The following ATP8A2 variants were observed in gnomAD, a reference collection of about 807,000 sequenced individuals.
ATP8A2 encodes ATPase phospholipid transporting 8A2.
ATP8A2 carries 100 observed loss-of-function variants against 165.6 expected under a neutral mutation model. That is an observed-to-expected ratio of 0.60 (90% CI 0.51 to 0.71). The LOEUF (loss-of-function observed/expected upper bound fraction) is 0.71. ATP8A2 is among the 30% of genes least tolerant of loss of function. The pLI is 0.00. For missense variants in ATP8A2, 1,227 were observed against 1,479.5 expected (o/e 0.83, Z 2.80); for synonymous variants, 543 against 548.8 (o/e 0.99, Z 0.15).
At chr13:25,643,913 A>G (rs2041603368) in intron 24 of ATP8A2, among the ~76,000 whole-genome samples, 1 of 151,400 alleles carries the variant, frequency 6.6e-6, no homozygotes, top group South Asian at 2.1e-4. Flanking sequence ...ATTTATTTGC[A>G]TCTTTTTCCA....
chr13:25,858,589 C>G (rs907750133), intron 30 of ATP8A2, among the ~76,000 whole-genome samples: 6 of 152,162 alleles, frequency 3.9e-5, no homozygotes, highest in Non-Finnish European at 5.9e-5. Context: ...ACTTATGACT[C>G]CATCATTATG....
chr13:25,688,383 C>G (rs1485493966), intron 24 of ATP8A2, among the ~76,000 whole-genome samples: 1 of 146,008 alleles, frequency 6.8e-6, no homozygotes, highest in African/African-American at 2.5e-5. Flanking sequence ...CAGCCGGAAG[C>G]CTTTCGGCCA....
intron 6 of ATP8A2, among the ~76,000 whole-genome samples, chr13:25,537,586 G>A (rs1287222400): frequency 6.6e-6 from 1 of 152,144 alleles, no homozygotes; most frequent in Non-Finnish European, 1.5e-5. Context: ...GCTCATCAGG[G>A]GTGCAGTGGG....
intron 24 of ATP8A2, among the ~76,000 whole-genome samples, chr13:25,645,833 T>C (rs2041657178): frequency 6.6e-6 from 1 of 152,206 alleles, no homozygotes; most frequent in African/African-American, 2.4e-5. Context: ...TTGTGGCCTG[T>C]CATATGATCT....
chr13:25,555,452 A>G (rs776329751), intron 13 of ATP8A2, among the ~76,000 whole-genome samples: 6 of 152,012 alleles, frequency 3.9e-5, no homozygotes, highest in Non-Finnish European at 8.8e-5. Context: ...AAGGACATGC[A>G]TTTCTCGCAT....
chr13:25,431,509 G>T (rs1006310177), intron 1 of ATP8A2, among the ~76,000 whole-genome samples: 2 of 151,868 alleles, frequency 1.3e-5, no homozygotes, highest in Non-Finnish European at 2.9e-5. Flanking sequence ...CGGCGGGGGG[G>T]GAATCTCATA....
chr13:25,577,267 C>A (rs985856012), intron 20 of ATP8A2, 129 bp downstream of exon 20: 8 of 822,516 alleles, frequency 9.7e-6, no homozygotes, highest in Non-Finnish European at 1.6e-5. Context: ...TTCAGGTAGG[C>A]TGTGAAGTTG....
At chr13:25,415,953 C>T (rs567352552) in intron 1 of ATP8A2, among the ~76,000 whole-genome samples, 48 of 152,240 alleles carry the variant, frequency 3.2e-4, no homozygotes, top group African/African-American at 1.2e-3. Context: ...TTCAGCCTCT[C>T]AAGTAGTTGA....
chr13:26,018,931 G>T (rs1030201505), intron 36 of ATP8A2, among the ~76,000 whole-genome samples: 1 of 152,180 alleles, frequency 6.6e-6, no homozygotes, highest in African/African-American at 2.4e-5. Flanking sequence ...ATGAGTCTTG[G>T]CTATTATTTA....
At chr13:25,393,975 C>T (rs1316908841) in intron 1 of ATP8A2, among the ~76,000 whole-genome samples, 1 of 152,124 alleles carries the variant, frequency 6.6e-6, no homozygotes, top group African/African-American at 2.4e-5. Context: ...ACCTATAAAA[C>T]AGGAATATTA....
chr13:25,679,092 A>G (rs947579955), intron 24 of ATP8A2, among the ~76,000 whole-genome samples: 10 of 152,196 alleles, frequency 6.6e-5, no homozygotes, highest in African/African-American at 2.4e-4. Flanking sequence ...CCAGGTAAGC[A>G]ATGGGAGGAA....
At chr13:25,515,835 G>T (rs1425330359) in intron 2 of ATP8A2, among the ~76,000 whole-genome samples, 1 of 152,200 alleles carries the variant, frequency 6.6e-6, no homozygotes, top group Non-Finnish European at 1.5e-5. Flanking sequence ...TTAGACACCT[G>T]CAGGGATGGG....
At chr13:25,867,075 C>A (rs1430758973) in intron 33 of ATP8A2, among the ~76,000 whole-genome samples, 1 of 151,300 alleles carries the variant, frequency 6.6e-6, no homozygotes, top group Non-Finnish European at 1.5e-5. Flanking sequence ...TCAAAGCATA[C>A]AATCTGCAAC....
chr13:25,763,214 G>T (rs2138257749), intron 25 of ATP8A2, among the ~76,000 whole-genome samples: 1 of 152,244 alleles, frequency 6.6e-6, no homozygotes, highest in East Asian at 1.9e-4. Context: ...TTCGCTCATG[G>T]ATTGTTCTTT....
At chr13:25,788,320 A>G (rs1047888518) in intron 27 of ATP8A2, among the ~76,000 whole-genome samples, 2 of 152,268 alleles carry the variant, frequency 1.3e-5, no homozygotes, top group Admixed American at 6.5e-5. Context: ...TCGATAGACC[A>G]TACAATTATG....
At chr13:25,637,734 C>G (rs557386378) in intron 24 of ATP8A2, among the ~76,000 whole-genome samples, 125 of 152,318 alleles carry the variant, frequency 8.2e-4, no homozygotes, top group African/African-American at 2.7e-3. Context: ...TTAAATGTCC[C>G]TGTCTGACAG....
chr13:25,591,222 G>A (rs1353894936), intron 24 of ATP8A2: 2 of 454,834 alleles, frequency 4.4e-6, no homozygotes, highest in African/African-American at 4.0e-5. Context: ...TATTCATATT[G>A]TTGTGTAACC....
At chr13:25,468,951 T>A in intron 1 of ATP8A2, 26 bp from the exon 2 acceptor site, 1 of 1,612,116 alleles carries the variant, frequency 6.2e-7, no homozygotes, top group South Asian at 1.1e-5. Context: ...TGTGTCGTAT[T>A]CTCTGCCTGC....
At chr13:25,599,598 CTTGGGTTTTTCTTTTGTA>C (rs1368138902) in intron 24 of ATP8A2, among the ~76,000 whole-genome samples, 1 of 152,234 alleles carries the variant, frequency 6.6e-6, no homozygotes, top group Non-Finnish European at 1.5e-5. Context: ...ACCTGTATCA[CTTGGGTTTTTCTTTTGTA>C]ATAATTTATT....
Sources: gnomAD v4.1 joint callset for allele counts (sites outside exome capture counted in the v4.1 genomes callset) on GRCh38, gnomAD v4.1.1 for gene constraint, MANE v1.5 for transcripts, NCBI Gene and HGNC (gene_info 2026-07-23, HGNC 2026-07-21) for gene names.